Variants in DPH5 observed in about 807,000 individuals in gnomAD.
DPH5 encodes diphthine methyl ester synthase.
In DPH5, 31 loss-of-function variants were observed where a neutral mutation model predicts 31.6. The ratio of observed to expected loss-of-function variants is 0.98; its 90% CI spans 0.74 to 1.32. The LOEUF (loss-of-function observed/expected upper bound fraction) is 1.32. Ranked by LOEUF, DPH5 falls within the 40% of genes most tolerant of loss-of-function variation. DPH5 has a pLI of 0.00. For missense variants in DPH5, 309 were observed against 335.7 expected (o/e 0.92, Z 0.62); for synonymous variants, 120 against 115.0 (o/e 1.04, Z -0.28).
At chr1:100,994,153 A>G (rs1393406257) in intron 6 of DPH5, among the ~76,000 whole-genome samples, 2 of 152,178 alleles carry the variant, frequency 1.3e-5, no homozygotes, top group African/African-American at 2.4e-5. Flanking sequence ...TTGAAATCTG[A>G]TATGTTCTTA....
At chr1:101,014,870 C>A (rs973212629) in intron 3 of DPH5, among the ~76,000 whole-genome samples, 1 of 152,144 alleles carries the variant, frequency 6.6e-6, no homozygotes, top group Non-Finnish European at 1.5e-5. Context: ...CTCATGAAAC[C>A]ACTTTCTTTG....
At chr1:101,011,299 A>G (rs1276930724) in intron 4 of DPH5, among the ~76,000 whole-genome samples, 1 of 152,224 alleles carries the variant, frequency 6.6e-6, no homozygotes, top group East Asian at 1.9e-4. Context: ...TGGTATAAGA[A>G]GTATATCTTC....
At chr1:101,022,740 A>G (rs1644014190) in intron 2 of DPH5, among the ~76,000 whole-genome samples, 1 of 152,220 alleles carries the variant, frequency 6.6e-6, no homozygotes, top group African/African-American at 2.4e-5. Flanking sequence ...TATCTGTCAA[A>G]CAAATGAGTA....
chr1:101,016,424 C>T (rs1282485437), intron 3 of DPH5, among the ~76,000 whole-genome samples: 1 of 151,450 alleles, frequency 6.6e-6, no homozygotes, highest in Non-Finnish European at 1.5e-5. Context: ...TCCAGCTTAT[C>T]TTGGCTTTCC....
intron 4 of DPH5, among the ~76,000 whole-genome samples, chr1:101,011,160 T>C (rs1027097651): frequency 1.3e-5 from 2 of 152,240 alleles, no homozygotes; most frequent in African/African-American, 4.8e-5. Flanking sequence ...GTACTTGCAT[T>C]ATGCAGGATA....
intron 6 of DPH5, among the ~76,000 whole-genome samples, chr1:100,993,043 A>G (rs2101138692): frequency 7.8e-6 from 1 of 128,854 alleles, no homozygotes; most frequent in Non-Finnish European, 1.9e-5. Flanking sequence ...AAACAATTCA[A>G]AGTAAGTGGC....
chr1:100,994,477 G>A (rs1474357045), intron 6 of DPH5, among the ~76,000 whole-genome samples: 10 of 151,556 alleles, frequency 6.6e-5, no homozygotes. Context: ...ATAAGGCTCA[G>A]AGATGGAAGT....
chr1:101,004,070 C>T (rs920120854), intron 4 of DPH5, among the ~76,000 whole-genome samples: 1 of 152,120 alleles, frequency 6.6e-6, no homozygotes, highest in Admixed American at 6.6e-5. Context: ...CACATATAAA[C>T]ACTAAAGCAT....
At chr1:101,010,982 A>C (rs1028521145) in intron 4 of DPH5, among the ~76,000 whole-genome samples, 1 of 152,194 alleles carries the variant, frequency 6.6e-6, no homozygotes, top group African/African-American at 2.4e-5. Flanking sequence ...ACTATATCAG[A>C]AAGTCTGAAT....
intron 7 of DPH5, among the ~76,000 whole-genome samples, chr1:100,991,161 T>C (rs1364785973): frequency 6.6e-6 from 1 of 152,210 alleles, no homozygotes; most frequent in African/African-American, 2.4e-5. Context: ...GCTAAGATAG[T>C]AGATATGAGA....
intron 6 of DPH5, among the ~76,000 whole-genome samples, chr1:100,993,734 A>G (rs952603241): frequency 1.1e-4 from 16 of 150,900 alleles, no homozygotes; most frequent in South Asian, 2.1e-4. Context: ...TTAACAAAAA[A>G]GTTTGTAAAA....
intron 7 of DPH5, among the ~76,000 whole-genome samples, chr1:100,991,299 A>G (rs1278051508): frequency 6.6e-6 from 1 of 152,190 alleles, no homozygotes; most frequent in Non-Finnish European, 1.5e-5. Context: ...CTGACCCTTT[A>G]ATGGTTGTAT....
At chr1:101,016,447 CTTT>C (rs576540490) in intron 3 of DPH5, among the ~76,000 whole-genome samples, 8 of 140,384 alleles carry the variant, frequency 5.7e-5, no homozygotes, top group Admixed American at 1.4e-4. Context: ...TTCTTTCTTT[CTTT>C]TTTTTTTTTT....
intron 5 of DPH5, among the ~76,000 whole-genome samples, chr1:100,997,172 GCACAA>G (rs1658426881): frequency 6.6e-6 from 1 of 152,114 alleles, no homozygotes; most frequent in African/African-American, 2.4e-5. Flanking sequence ...ACTTTCACGT[GCACAA>G]CACATTAGTT....
rs750471513 is a variant in DPH5 at position 101,021,689 on chromosome 1, T to C, written c.212A>G (p.Asp71Gly). Residue 71 changes from aspartate to glycine, a missense_variant, in exon 3 of 8, where the codon GAT (aspartate) becomes GGT (glycine). Physicochemically the swap from Asp to Gly is moderately conservative, Grantham distance 94. Coordinates refer to ENST00000370109, the MANE Select transcript of DPH5 (RefSeq NM_015958.3). ...VEQEADNILK[D>G]ADISDVAFLV... The stretch of plus-strand genomic sequence containing the variant: ...GAATGCAACATCACTGATATCAGCA[T>C]CCTTTAAAATATTATCTGCTTCTTG... 1.9e-6 allele frequency: 3 copies of C among 1,613,836 alleles called. No individual in the cohort carries two copies. The African/African-American group carries it at 4.0e-5, about 22-fold the overall frequency.
intron 4 of DPH5, 55 bp downstream of exon 4, chr1:101,013,655 G>A: frequency 8.3e-7 from 1 of 1,208,640 alleles, no homozygotes; most frequent in Non-Finnish European, 1.2e-6. Flanking sequence ...TCAATTTGTG[G>A]AAAAATAAAA....
At chr1:101,012,100 C>A (rs1186305519) in intron 4 of DPH5, among the ~76,000 whole-genome samples, 1 of 151,908 alleles carries the variant, frequency 6.6e-6, no homozygotes, top group African/African-American at 2.4e-5. Flanking sequence ...GGGGTTTCAC[C>A]ATGTTGGCCA....
chr1:101,002,173 A>G (rs1446434929), intron 4 of DPH5, among the ~76,000 whole-genome samples: 1 of 152,092 alleles, frequency 6.6e-6, no homozygotes, highest in Non-Finnish European at 1.5e-5. Context: ...TTCCCTCACT[A>G]TAGAGTTCAG....
At chr1:101,024,668 C>G (rs1660699941) in intron 2 of DPH5, among the ~76,000 whole-genome samples, 1 of 152,180 alleles carries the variant, frequency 6.6e-6, no homozygotes, top group Admixed American at 6.5e-5. Context: ...GACCCTTCCC[C>G]CAAATTTACT....
Sources: allele counts gnomAD v4.1 joint callset (sites outside exome capture counted in the v4.1 genomes callset), GRCh38; gene constraint gnomAD v4.1.1; transcripts MANE v1.5; gene names NCBI Gene and HGNC (gene_info 2026-07-23, HGNC 2026-07-21).